The following CFAP46 variants were observed in gnomAD, a reference collection of about 807,000 sequenced individuals.
The protein encoded by CFAP46 is cilia and flagella associated protein 46, also known as cilia- and flagella-associated protein 46.
CFAP46 carries 245 observed loss-of-function variants against 325.7 expected under a neutral mutation model. The observed-to-expected ratio is 0.75, with a 90% confidence interval of 0.68 to 0.84. The LOEUF (loss-of-function observed/expected upper bound fraction) is 0.84. Ranked by LOEUF, CFAP46 falls within the 40% of genes least tolerant of loss-of-function variation. The pLI is 0.00. For synonymous variants in CFAP46, 1,523 were observed against 1,495.9 expected, an observed-to-expected ratio of 1.02 and a Z score of -0.42; for missense variants, 3,346 against 3,543.0, an observed-to-expected ratio of 0.94 and a Z score of 1.41.
chr10:132,840,943 G>T (rs542518263), intron 44 of CFAP46, among the ~76,000 whole-genome samples: 1 of 152,190 alleles, frequency 6.6e-6, no homozygotes, highest in Non-Finnish European at 1.5e-5. Flanking sequence ...ATTCCGTGGC[G>T]AGGGGGCTGA....
intron 31 of CFAP46, among the ~76,000 whole-genome samples, chr10:132,875,728 C>A (rs1249371346): frequency 6.6e-6 from 1 of 152,090 alleles, no homozygotes. Flanking sequence ...GTTCAGATGA[C>A]AGGCAAAACT....
chr10:132,824,701 GATGTGTGCTGTGTGTGTA>G (rs1847999098), intron 50 of CFAP46, among the ~76,000 whole-genome samples: 1 of 54,474 alleles, frequency 1.8e-5, no homozygotes, highest in Non-Finnish European at 3.2e-5. Flanking sequence ...TGTGTGCGCT[GATGTGTGCTGTGTGTGTA>G]CTGATGTGTG....
chr10:132,840,200 T>C (rs1848327017), intron 44 of CFAP46, among the ~76,000 whole-genome samples: 1 of 152,206 alleles, frequency 6.6e-6, no homozygotes, highest in South Asian at 2.1e-4. Context: ...TGAGCTGTGT[T>C]ATGTTGAGGA....
intron 50 of CFAP46, among the ~76,000 whole-genome samples, chr10:132,821,866 G>GCACTGTA (rs1197053339): frequency 4.8e-5 from 7 of 145,306 alleles, no homozygotes; most frequent in African/African-American, 1.6e-4. Flanking sequence ...TGTGCTGTGT[G>GCACTGTA]TGCTGTGTGC....
At chr10:132,866,382 C>G (rs1848813095) in intron 34 of CFAP46, among the ~76,000 whole-genome samples, 2 of 152,332 alleles carry the variant, frequency 1.3e-5, no homozygotes, top group East Asian at 1.9e-4. Flanking sequence ...CCCCGACAGA[C>G]CTCCTGCACC....
chr10:132,862,218 G>A (rs1222375292), intron 35 of CFAP46, among the ~76,000 whole-genome samples: 1 of 152,208 alleles, frequency 6.6e-6, no homozygotes, highest in African/African-American at 2.4e-5. Context: ...CTCTGAGGAG[G>A]GAAGAGGGGG....
In CFAP46 at chr10:132,845,394, G is replaced by A. The variant is rs139790906; in HGVS notation, c.6438+663C>T. On this transcript the variant is annotated intron_variant, in intron 44 of 57. Coordinates refer to ENST00000368586, the MANE Select transcript of CFAP46 (RefSeq NM_001200049.3). The stretch of plus-strand genomic sequence containing the variant: ...AGGGGTGCTCCTGTCAGCCAGTGGC[G>A]GATGCTGCCCCCGCCCCACCCTCAC... Among the ~76,000 whole-genome samples, 139 of 152,258 alleles carry A rather than the reference G, an allele frequency of 9.1e-4. 1 individual carries two copies. In the East Asian group the frequency reaches 0.023, roughly 25 times the overall value.
intron 9 of CFAP46, among the ~76,000 whole-genome samples, chr10:132,928,900 G>A (rs990263633): frequency 9.2e-5 from 14 of 152,178 alleles, no homozygotes; most frequent in African/African-American, 3.1e-4. Flanking sequence ...ATACTCTAAC[G>A]TGTATTCTTA....
rs139190527 is a variant in CFAP46, at chr10:132,886,996, T to TTC, written c.3305-1039_3305-1038dup. On this transcript the variant is annotated intron_variant, in intron 25 of 57. Coordinates refer to ENST00000368586, the MANE Select transcript of CFAP46 (RefSeq NM_001200049.3). This position sits in a 1 kb window ranked among gnomAD's most constrained non-coding sequence, Gnocchi z 5.8. ...AAGGATCTGTCTTCTCTCTTTTCTCTTCTCTCTCTCTCGCCTCTCTCTCTG... is the reference window on the plus strand; with the variant it reads ...AAGGATCTGTCTTCTCTCTTTTCTCTTCTCTCTCTCTCTCGCCTCTCTCTCTG... Among the ~76,000 whole-genome samples, 3 of 151,760 alleles carry TTC rather than the reference T, an allele frequency of 2.0e-5. No homozygotes were observed. The highest frequency in any genetic ancestry group is 4.2e-4 in the South Asian group (2 of 4,802).
At chr10:132,850,920 T>C (rs1268686000) in intron 40 of CFAP46, among the ~76,000 whole-genome samples, 197 bp downstream of exon 40, 1 of 152,188 alleles carries the variant, frequency 6.6e-6, no homozygotes, top group African/African-American at 2.4e-5. Context: ...CAATGGGACC[T>C]CGATTTCATG....
Position 132,880,974 on chromosome 10 carries a change from T to G in CFAP46, c.3686A>C (p.His1229Pro), listed in dbSNP as rs1591069177. Reference protein sequence around the residue: ...EYLMEFGQWLHHRHFPLEDVV... With the variant: ...EYLMEFGQWLPHRHFPLEDVV... The stretch of plus-strand genomic sequence containing the variant: ...GTCCTCGAGAGGAAAGTGTCTGTGA[T>G]GGAGCCACTGGCCGAACTCCATGAG... Residue 1229 changes from histidine (H) to proline (P), a missense_variant, in exon 28 of 58, where the codon CAT becomes CCT. Physicochemically the swap from His to Pro is moderately conservative, Grantham distance 77. Coordinates refer to ENST00000368586, the MANE Select transcript of CFAP46 (RefSeq NM_001200049.3). 6.4e-7 allele frequency: 1 copy of G among 1,550,514 alleles called. No individual in the cohort carries two copies. The highest frequency in any genetic ancestry group is 8.7e-7 in the Non-Finnish European group (1 of 1,146,966).
At chr10:132,916,300 C>T (rs1849636862) in intron 17 of CFAP46, among the ~76,000 whole-genome samples, 2 of 152,166 alleles carry the variant, frequency 1.3e-5, no homozygotes, top group South Asian at 4.1e-4. Context: ...CTGAACGTTT[C>T]CTCGTAGTAA....
Position 132,922,122 on chromosome 10 carries a change from T to C in CFAP46, c.1588A>G (p.Ser530Gly), listed in dbSNP as rs1484980635. ...AGCTCACCTTTGGCCTCATTCTCACTGTCCAGCACAATCTGAAACGCGTCA... is the reference window on the plus strand; with the variant it reads ...AGCTCACCTTTGGCCTCATTCTCACCGTCCAGCACAATCTGAAACGCGTCA... ...APDAFQIVLD[S>G]ENEAKVSTGK... Residue 530 changes from serine to glycine, a missense_variant, in exon 13 of 58, where the codon AGT (serine) becomes GGT (glycine). Ser to Gly is a moderately conservative substitution (Grantham distance 56). Coordinates refer to ENST00000368586, the MANE Select transcript of CFAP46 (RefSeq NM_001200049.3). The C allele has an allele frequency of 6.5e-7, 1 of 1,550,266 alleles. No individual in the cohort carries two copies. Among genetic ancestry groups the C allele is most frequent in the South Asian group, 1.2e-5 (1 of 84,064 alleles).
rs1313597941 is a variant in CFAP46 at position 132,879,296 on chromosome 10, A to G, written c.4005+130T>C. Reference sequence around the variant, plus strand: ...ATCTGGATGTCGCAGGAAATTGCTCACATCTCAAAGGTCTTTAGGAAATGC... The same window carrying G: ...ATCTGGATGTCGCAGGAAATTGCTCGCATCTCAAAGGTCTTTAGGAAATGC... On this transcript the variant is annotated intron_variant, in intron 29 of 57. Transcript: ENST00000368586. 3.3e-6 allele frequency: 3 copies of G among 901,380 alleles called. No homozygotes were observed. In the East Asian group the frequency reaches 8.5e-5, roughly 25 times the overall value. 55.8% of individuals were successfully genotyped at this position (901,380 alleles called of 1,614,324 possible).
At chr10:132,901,639 T>C (rs1849393403) in intron 22 of CFAP46, among the ~76,000 whole-genome samples, 1 of 152,220 alleles carries the variant, frequency 6.6e-6, no homozygotes, top group African/African-American at 2.4e-5. Context: ...GGATGCTATT[T>C]TTGCTTTAAA....
At chr10:132,813,943 C>T (rs980957085) in intron 54 of CFAP46, among the ~76,000 whole-genome samples, 3 of 152,194 alleles carry the variant, frequency 2.0e-5, no homozygotes, top group African/African-American at 7.2e-5. Context: ...CCTGGGGGCC[C>T]CAGGTCGCCA....
intron 13 of CFAP46, among the ~76,000 whole-genome samples, chr10:132,921,533 C>T (rs549449513): frequency 6.6e-6 from 1 of 152,190 alleles, no homozygotes; most frequent in Non-Finnish European, 1.5e-5. Context: ...CCAGGGAGCC[C>T]CGTCCTGTGC....
Position 132,919,267 on chromosome 10 carries a change from G to A in CFAP46, c.1858+48C>T, listed in dbSNP as rs368579185. 6.6e-7 allele frequency: 1 copy of A among 1,521,186 alleles called. No individual in the cohort carries two copies. Among genetic ancestry groups the A allele is most frequent in the Non-Finnish European group, 8.8e-7 (1 of 1,130,204 alleles). 94.2% of individuals were successfully genotyped at this position (1,521,186 alleles called of 1,614,324 possible). ...AACCACAACCCTTCCCACACCCAGA[G>A]GGCGGCCGTGGCCAGGCTGGGACAC... On this transcript the variant is annotated intron_variant, in intron 15 of 57. Transcript: ENST00000368586. This position sits in a 1 kb window ranked among gnomAD's most constrained non-coding sequence, Gnocchi z 9.7.
chr10:132,813,997 G>A (rs1282504898), intron 54 of CFAP46, among the ~76,000 whole-genome samples, 155 bp downstream of exon 54: 12 of 152,220 alleles, frequency 7.9e-5, no homozygotes. Flanking sequence ...GTCTCTGTGA[G>A]GATTCAAGGA....
Sources: allele counts gnomAD v4.1 joint callset (sites outside exome capture counted in the v4.1 genomes callset), GRCh38; gene constraint gnomAD v4.1.1; non-coding constraint Gnocchi (gnomAD v3.1); transcripts MANE v1.5; gene names NCBI Gene and HGNC (gene_info 2026-07-23, HGNC 2026-07-21).